The following FADS6 variants were observed in gnomAD, a reference collection of about 807,000 sequenced individuals.
The protein encoded by FADS6 is fatty acid desaturase domain family, member 6.
Under a neutral mutation model 31.7 loss-of-function variants are expected in FADS6, and 28 were observed. That is an observed-to-expected ratio of 0.88 (90% CI 0.66 to 1.21). The LOEUF (loss-of-function observed/expected upper bound fraction) is 1.21. Ranked by LOEUF, FADS6 falls within the 50% of genes most tolerant of loss-of-function variation. The pLI, the probability that FADS6 is intolerant of heterozygous loss-of-function variation, is 0.00. For synonymous variants in FADS6, 191 were observed against 213.1 expected (o/e 0.90, Z 0.90); for missense variants, 494 against 504.2 (o/e 0.98, Z 0.19).
chr17:74,882,253 T>C (rs557779610), intron 3 of FADS6, among the ~76,000 whole-genome samples: 3 of 152,212 alleles, frequency 2.0e-5, no homozygotes, highest in Non-Finnish European at 4.4e-5. Flanking sequence ...AACATTTTTA[T>C]ACTTAGGACC....
chr17:74,881,347 G>A, intron 3 of FADS6, 92 bp from the exon 4 acceptor site: 1 of 1,271,254 alleles, frequency 7.9e-7, no homozygotes, highest in East Asian at 2.5e-5. Context: ...CGGAGGCCAG[G>A]CGTGTTCAAT....
At chr17:74,884,800 C>A (rs1394412831) in intron 2 of FADS6, among the ~76,000 whole-genome samples, 2 of 152,006 alleles carry the variant, frequency 1.3e-5, no homozygotes, top group Non-Finnish European at 2.9e-5. Context: ...CTCCACCTCC[C>A]GGGTTCAAGC....
intron 2 of FADS6, among the ~76,000 whole-genome samples, chr17:74,887,287 G>A (rs2038633486): frequency 6.6e-6 from 1 of 152,120 alleles, no homozygotes; most frequent in African/African-American, 2.4e-5. Flanking sequence ...CTCTCGCTGT[G>A]TTGCCCAGGC....
chr17:74,885,533 C>T (rs1003440077), intron 2 of FADS6, among the ~76,000 whole-genome samples: 3 of 152,106 alleles, frequency 2.0e-5, no homozygotes, highest in Non-Finnish European at 2.9e-5. Context: ...AGATCCAGCC[C>T]GGAAGCCCTC....
At chr17:74,876,349 C>G (rs1207491152), downstream of FADS6, among the ~76,000 whole-genome samples, 4 of 152,184 alleles carry the variant, frequency 2.6e-5, no homozygotes, top group Non-Finnish European at 2.9e-5. Context: ...GAATGACTTG[C>G]ATGTTCTCAA....
chr17:74,879,505 C>A lies in FADS6; in HGVS notation c.859G>T (p.Ala287Ser), dbSNP rs1177280234. ...GCCCAGTCCAGCACGGGCAGCCGGG[C>A]CAGGTTAAGCACCCCCAGGCTCATC... ...HMMSLGVLNL[A>S]RLPVLDWAFG... is the part of the protein sequence containing the mutation. Residue 287 changes from alanine (A) to serine (S), a missense_variant, in exon 5 of 6, where the codon GCC (alanine) becomes TCC (serine). Physicochemically the swap from Ala to Ser is moderately conservative, Grantham distance 99 (BLOSUM62 1). Coordinates refer to ENST00000612771, the MANE Select transcript of FADS6 (RefSeq NM_178128.6). 1.2e-6 allele frequency: 2 copies of A among 1,613,762 alleles called. No individual in the cohort carries two copies. The highest frequency in any genetic ancestry group is 1.7e-6 in the Non-Finnish European group (2 of 1,179,880).
chr17:74,879,768 C>G (rs867719499), intron 4 of FADS6, among the ~76,000 whole-genome samples, 185 bp from the exon 5 acceptor site: 5 of 152,182 alleles, frequency 3.3e-5, no homozygotes, highest in Middle Eastern at 3.2e-3. Flanking sequence ...TGACTCTCAT[C>G]CATCTCTGGG....
At position 74,879,402 on chromosome 17, in the gene FADS6, AC is replaced by A. The variant is rs1227712615; in HGVS notation, c.960+1del. ...AGCGCCCCCAGCCCAGCCCTCGACT[AC>A]CTTCAGGCACATGTTATCAGAGAGC... On this transcript the variant is annotated splice_donor_variant, in intron 5 of 5. Coordinates refer to ENST00000612771, the MANE Select transcript of FADS6 (RefSeq NM_178128.6). LOFTEE classifies it high-confidence loss of function. 20 of 1,613,234 alleles carry A rather than the reference AC, an allele frequency of 1.2e-5. No individual in the cohort carries two copies. Among genetic ancestry groups the A allele is most frequent in the Non-Finnish European group, 1.7e-5 (20 of 1,179,528 alleles).
intron 2 of FADS6, among the ~76,000 whole-genome samples, chr17:74,884,226 C>A (rs1330377684): frequency 6.6e-6 from 1 of 152,192 alleles, no homozygotes; most frequent in Non-Finnish European, 1.5e-5. Flanking sequence ...TAAAACATGG[C>A]TGCATTCACA....
chr17:74,888,440 G>C (rs902693595), intron 2 of FADS6, among the ~76,000 whole-genome samples: 2 of 152,204 alleles, frequency 1.3e-5, no homozygotes, highest in African/African-American at 2.4e-5. Context: ...CGAGGTTTGC[G>C]TGGGAACAGG....
chr17:74,881,225 G>C lies in FADS6; in HGVS notation c.623C>G (p.Ala208Gly). Reference protein sequence around the residue: ...ERLRKVELGTALRTLALISLG... With the variant: ...ERLRKVELGTGLRTLALISLG... ...AGAAATCAGGGCCAGCGTCCGCAGG[G>C]CTGTCCCGAGCTCCACCTTCCTCAG... The change falls in exon 4 of 6, where the codon GCC (alanine) becomes GGC (glycine). Residue 208 changes from alanine (A) to glycine (G), a missense_variant. Ala to Gly is a moderately conservative substitution (Grantham distance 60, BLOSUM62 0). Coordinates refer to ENST00000612771, the MANE Select transcript of FADS6 (RefSeq NM_178128.6). 6.2e-7 allele frequency: 1 copy of C among 1,603,946 alleles called. No individual in the cohort carries two copies. The highest frequency in any genetic ancestry group is 8.5e-7 in the Non-Finnish European group (1 of 1,175,554).
chr17:74,883,391 A>G (rs2038594062), intron 2 of FADS6, among the ~76,000 whole-genome samples: 1 of 152,244 alleles, frequency 6.6e-6, no homozygotes, highest in Non-Finnish European at 1.5e-5. Flanking sequence ...TGCAAATGGT[A>G]TGCAGATGTA....
rs1274273531 is a variant in FADS6 at position 74,893,603 on chromosome 17, G to T, written c.-8C>A. On this transcript the variant is annotated 5_prime_UTR_variant, in exon 1 of 6. Coordinates refer to ENST00000612771, the MANE Select transcript of FADS6 (RefSeq NM_178128.6). ...CGGCTCCGTGGGTTCCATGGACTCT[G>T]TGGGCTCGGGCCCGACGCGCACGGA... 7.3e-7 allele frequency: 1 copy of T among 1,362,988 alleles called. No individual in the cohort carries two copies. The allele number at this position is 1,362,988 out of a possible 1,614,324, so 84.4% of individuals were successfully genotyped here.
chr17:74,893,085 C>G (rs1343354134), intron 1 of FADS6, among the ~76,000 whole-genome samples: 1 of 139,634 alleles, frequency 7.2e-6, no homozygotes, highest in Non-Finnish European at 1.5e-5. Context: ...CACTCCCCCG[C>G]TCCTCTCAAC....
At chr17:74,888,177 G>A (rs535607089) in intron 2 of FADS6, among the ~76,000 whole-genome samples, 38 of 147,490 alleles carry the variant, frequency 2.6e-4, no homozygotes, top group African/African-American at 5.5e-4. Flanking sequence ...CGCGCGCAGA[G>A]TACCAATGTC....
intron 1 of FADS6, 91 bp downstream of exon 1, chr17:74,893,261 G>C: frequency 2.2e-6 from 3 of 1,358,904 alleles, no homozygotes; most frequent in South Asian, 1.5e-5. Context: ...GCACTCCCAC[G>C]GCTGCTGTTG....
Position 74,881,177 on chromosome 17 carries a change from C to A in FADS6, c.671G>T (p.Trp224Leu). Reference protein sequence around the residue: ...LISLGLYSHYWLLLNVSGFKN... With the variant: ...LISLGLYSHYLLLLNVSGFKN... The stretch of plus-strand genomic sequence containing the variant: ...GAAGCCTGACACGTTCAGGAGCAGC[C>A]AGTAGTGAGAATAAAGGCCCAGAGA... Residue 224 changes from tryptophan to leucine, a missense_variant, in exon 4 of 6, where the codon TGG becomes TTG. By Grantham distance (61) the Trp-to-Leu change is moderately conservative. Around this residue, in one of 2 missense-constraint regions of FADS6, gnomAD observed 454 missense variants for 438.5 expected, o/e 1.04. Transcript: ENST00000612771. The A allele has an allele frequency of 6.2e-7, 1 of 1,612,800 alleles. No homozygotes were observed. Among genetic ancestry groups the A allele is most frequent in the Non-Finnish European group, 8.5e-7 (1 of 1,179,396 alleles).
Position 74,877,903 on chromosome 17 carries a change from A to G in FADS6, c.*428T>C. On this transcript the variant is annotated 3_prime_UTR_variant, in exon 6 of 6. Transcript: ENST00000612771. ...AGCCAAGGCCGTGTGGGGCTCTCCC[A>G]ATGCCAGGGAGGTCCCAGCCGAGGG... 1.0e-6 allele frequency: 1 copy of G among 991,116 alleles called. No individual in the cohort carries two copies. The highest frequency in any genetic ancestry group is 1.2e-6 in the Non-Finnish European group (1 of 834,018). The allele number at this position is 991,116 out of a possible 1,614,324, so 61.4% of individuals were successfully genotyped here. A position where few individuals can be genotyped will look rare whatever the true frequency, so the allele number is the denominator to read the frequency against.
Position 74,893,534 on chromosome 17 carries a change from G to A in FADS6, c.62C>T (p.Pro21Leu). The change falls in exon 1 of 6, where the codon CCT becomes CTT. Residue 21 changes from proline to leucine, a missense_variant. Physicochemically the swap from Pro to Leu is moderately conservative, Grantham distance 98. This residue lies in a region of FADS6 where 40 missense variants were observed against 65.7 expected (regional missense o/e 0.61). Coordinates refer to ENST00000612771, the MANE Select transcript of FADS6 (RefSeq NM_178128.6). Reference protein sequence around the residue: ...EPMEPTEPMEPTEPMEPTEPM... With the variant: ...EPMEPTEPMELTEPMEPTEPM... ...CTCCGTAGGTTCCATGGGCTCCGTA[G>A]GTTCCATGGGCTCCGTAGGTTCCAT... 1 of 1,435,916 alleles carries A rather than the reference G, an allele frequency of 7.0e-7. No individual in the cohort carries two copies. The allele number at this position is 1,435,916 out of a possible 1,614,324, so 88.9% of individuals were successfully genotyped here.
Sources: allele counts gnomAD v4.1 joint callset (sites outside exome capture counted in the v4.1 genomes callset), GRCh38; gene constraint gnomAD v4.1.1; regional missense constraint gnomAD v4.1.1; transcripts MANE v1.5; gene names NCBI Gene and HGNC (gene_info 2026-07-23, HGNC 2026-07-21).